DNAH12: variants seen among roughly 807,000 people sequenced by gnomAD.
DNAH12 encodes dynein axonemal heavy chain 12.
In DNAH12, 285 loss-of-function variants were observed where a neutral mutation model predicts 371.5. The observed-to-expected ratio is 0.77, with a 90% CI of 0.70 to 0.85. The LOEUF is 0.85. DNAH12 is among the 40% of genes least tolerant of loss of function. DNAH12 has a pLI of 0.00. For synonymous variants in DNAH12, 1,200 were observed against 1,213.0 expected (o/e 0.99, Z 0.22); for missense variants, 3,611 against 3,689.4 (o/e 0.98, Z 0.55).
intron 11 of DNAH12, among the ~76,000 whole-genome samples, chr3:57,489,950 C>T (rs539466623): frequency 6.6e-6 from 1 of 152,176 alleles, no homozygotes; most frequent in Admixed American, 6.5e-5. Flanking sequence ...AAATTTCCCT[C>T]AATAATTATT....
chr3:57,395,492 A>C (rs1218176129), intron 43 of DNAH12, among the ~76,000 whole-genome samples: 1 of 152,224 alleles, frequency 6.6e-6, no homozygotes, highest in African/African-American at 2.4e-5. Context: ...TATATTGTAC[A>C]CAAAAACAAC....
chr3:57,342,651 CA>C lies in DNAH12; in HGVS notation c.9675-7712del, dbSNP rs71088061. Among the ~76,000 whole-genome samples, 139 of 35,064 alleles carry C rather than the reference CA, an allele frequency of 4.0e-3. 1 individual carries two copies. Among genetic ancestry groups the C allele is most frequent in the African/African-American group, 0.014 (109 of 7,866 alleles). The allele number at this position is 35,064 out of a possible 152,430, so 23.0% of individuals were successfully genotyped here. A position where few individuals can be genotyped will look rare whatever the true frequency, so the allele number is the denominator to read the frequency against. ...CCAGCCTGGGCGACAGACTGAGACTCAAAAAAAAAAAAAAAAAAAAAGGAAA... is the reference window on the plus strand; with the variant it reads ...CCAGCCTGGGCGACAGACTGAGACTCAAAAAAAAAAAAAAAAAAAAGGAAA... On this transcript the variant is annotated intron_variant, in intron 60 of 73. Coordinates refer to ENST00000495027, the MANE Select transcript of DNAH12 (RefSeq NM_001366028.2).
intron 27 of DNAH12, 112 bp from the exon 28 acceptor site, chr3:57,445,531 C>T: frequency 1.0e-6 from 1 of 964,478 alleles, no homozygotes; most frequent in Non-Finnish European, 1.3e-6. Context: ...AAATGCAGCA[C>T]CTTTTTCTAA....
chr3:57,525,154 CAA>C (rs5849213), intron 2 of DNAH12, among the ~76,000 whole-genome samples: 2,674 of 109,442 alleles, frequency 0.024, 72 homozygotes, highest in African/African-American at 0.08. Context: ...AGAGGAGAAA[CAA>C]AAAAAAAAAA....
chr3:57,543,199 A>G (rs758770385), intron 1 of DNAH12, among the ~76,000 whole-genome samples: 8 of 151,832 alleles, frequency 5.3e-5, no homozygotes, highest in Non-Finnish European at 1.0e-4. Flanking sequence ...CAGCTGTAGC[A>G]TTCTGGGTGC....
chr3:57,481,291 G>A (rs2066734017), intron 13 of DNAH12, among the ~76,000 whole-genome samples: 1 of 152,128 alleles, frequency 6.6e-6, no homozygotes, highest in Non-Finnish European at 1.5e-5. Context: ...CAAACAGAGA[G>A]CCAAATCACG....
intron 37 of DNAH12, among the ~76,000 whole-genome samples, chr3:57,418,294 C>T (rs2064446214): frequency 7.2e-6 from 1 of 139,498 alleles, no homozygotes; most frequent in Non-Finnish European, 1.5e-5. Context: ...AATCCTAGCA[C>T]TTTGAGAGGC....
chr3:57,480,476 G>A (rs530264344), intron 13 of DNAH12, among the ~76,000 whole-genome samples: 3,060 of 151,070 alleles, frequency 0.02, 46 homozygotes, highest in South Asian at 0.048. Context: ...ATTCACAGCC[G>A]AATTCTACCA....
At chr3:57,425,419 T>TC (rs1352875943) in intron 34 of DNAH12, among the ~76,000 whole-genome samples, 4 of 151,340 alleles carry the variant, frequency 2.6e-5, no homozygotes, top group South Asian at 2.1e-4. Context: ...TTTTTTTTTT[T>TC]CCCAGATAGG....
intron 4 of DNAH12, among the ~76,000 whole-genome samples, chr3:57,517,807 G>A (rs1441545189): frequency 1.3e-5 from 2 of 152,060 alleles, no homozygotes; most frequent in East Asian, 1.9e-4. Context: ...AGCACTTTGC[G>A]AGGTAGAAGC....
chr3:57,551,314 C>G, the DNAH12 span, among the ~76,000 whole-genome samples: 5 of 146,736 alleles, frequency 3.4e-5, no homozygotes, highest in East Asian at 6.4e-4. Context: ...CTCTGTCGCC[C>G]AGGTTGGAGT....
At chr3:57,546,825 G>A (rs115734981), upstream of DNAH12, among the ~76,000 whole-genome samples, 640 of 152,172 alleles carry the variant, frequency 4.2e-3, 2 homozygotes, top group Middle Eastern at 0.01. Context: ...TATCCTGGGT[G>A]AGCCTGACTC....
intron 4 of DNAH12, 113 bp from the exon 5 acceptor site, chr3:57,511,092 A>G (rs1375116812): frequency 5.5e-6 from 4 of 728,210 alleles, no homozygotes; most frequent in Non-Finnish European, 8.1e-6. Context: ...ATTCTGAAAA[A>G]TAACATTTTC....
Position 57,401,577 on chromosome 3 carries a change from A to G in DNAH12, c.6948+1732T>C, listed in dbSNP as rs555854135. Among the ~76,000 whole-genome samples, 37 of 148,172 alleles carry G rather than the reference A, an allele frequency of 2.5e-4. No homozygotes were observed. The East Asian group carries it at 7.5e-3, about 30-fold the overall frequency. The stretch of plus-strand genomic sequence containing the variant: ...AGACTCCATCTCAAAAAAAAAAAAA[A>G]AAAAAGAAGAAGAAGAAGAAGAAAG... On this transcript the variant is annotated intron_variant, in intron 43 of 73. Coordinates refer to ENST00000495027, the MANE Select transcript of DNAH12 (RefSeq NM_001366028.2).
chr3:57,333,953 C>T (rs2153306902), intron 62 of DNAH12, among the ~76,000 whole-genome samples: 1 of 152,014 alleles, frequency 6.6e-6, no homozygotes, highest in Non-Finnish European at 1.5e-5. Flanking sequence ...TAACTGTGTT[C>T]AACTATTTAA....
intron 55 of DNAH12, among the ~76,000 whole-genome samples, chr3:57,368,804 A>G (rs1428574032): frequency 1.3e-5 from 2 of 152,314 alleles, no homozygotes; most frequent in Non-Finnish European, 2.9e-5. Context: ...CATATGATTC[A>G]TGGTTCAGAT....
At chr3:57,330,742 C>T in intron 62 of DNAH12, among the ~76,000 whole-genome samples, 1 of 151,460 alleles carries the variant, frequency 6.6e-6, no homozygotes, top group African/African-American at 2.4e-5. Flanking sequence ...AAGAAAAATG[C>T]CTGATTTCCC....
At chr3:57,405,995 A>C in intron 40 of DNAH12, 43 bp from the exon 41 acceptor site, 1 of 1,498,012 alleles carries the variant, frequency 6.7e-7, no homozygotes, top group Non-Finnish European at 9.0e-7. Context: ...AAATGCTTAT[A>C]ATCAGTAAAG....
chr3:57,422,419 C>A (rs1171120879), intron 35 of DNAH12, among the ~76,000 whole-genome samples: 1 of 152,056 alleles, frequency 6.6e-6, no homozygotes, highest in Non-Finnish European at 1.5e-5. Flanking sequence ...TGGTCTCGAT[C>A]TCCTGACCCC....
Sources: gnomAD v4.1 joint callset for allele counts (sites outside exome capture counted in the v4.1 genomes callset) on GRCh38, gnomAD v4.1.1 for gene constraint, MANE v1.5 for transcripts, NCBI Gene and HGNC (gene_info 2026-07-23, HGNC 2026-07-21) for gene names.